Variants in KCNJ10 observed in about 807,000 individuals in gnomAD.
The protein encoded by KCNJ10 is potassium inwardly rectifying channel subfamily J member 10.
A neutral mutation model predicts 22.2 loss-of-function variants in KCNJ10; 9 were observed. That is an observed-to-expected ratio of 0.40 (90% confidence interval 0.24 to 0.71). The LOEUF is 0.71. Among genes scored for constraint, KCNJ10 ranks in the 30% least tolerant of loss-of-function variants. The pLI is 0.35. For synonymous variants in KCNJ10, 184 were observed against 187.3 expected (o/e 0.98, Z 0.15); for missense variants, 337 against 482.7 (o/e 0.70, Z 2.83).
intron 1 of KCNJ10, among the ~76,000 whole-genome samples, chr1:160,061,424 G>T (rs1649189964): frequency 6.6e-6 from 1 of 152,110 alleles, no homozygotes; most frequent in African/African-American, 2.4e-5. Flanking sequence ...GCGAGGCCAG[G>T]TGGGGCTTTA....
At chr1:160,057,654 C>T (rs1649072554) in intron 1 of KCNJ10, among the ~76,000 whole-genome samples, 1 of 152,280 alleles carries the variant, frequency 6.6e-6, no homozygotes, top group Admixed American at 6.5e-5. Flanking sequence ...ATGGCCAGGG[C>T]CCTGGAGATA....
intron 1 of KCNJ10, among the ~76,000 whole-genome samples, chr1:160,057,760 C>T (rs559264628): frequency 1.3e-5 from 2 of 152,126 alleles, no homozygotes; most frequent in Non-Finnish European, 2.9e-5. Context: ...CCTTGGAGTC[C>T]CAGGGCCAAG....
chr1:160,069,216 C>T (rs1649394714), intron 1 of KCNJ10, among the ~76,000 whole-genome samples: 1 of 152,236 alleles, frequency 6.6e-6, no homozygotes, highest in Non-Finnish European at 1.5e-5. Context: ...GTTCAGCTCT[C>T]CTCCCCCAAA....
intron 1 of KCNJ10, among the ~76,000 whole-genome samples, chr1:160,052,279 T>C (rs1255954507): frequency 3.3e-5 from 5 of 152,212 alleles, no homozygotes; most frequent in African/African-American, 1.2e-4. Flanking sequence ...AACCAATCAC[T>C]GTTTGGTAAA....
chr1:160,062,236 G>A (rs904338963), intron 1 of KCNJ10, among the ~76,000 whole-genome samples: 5 of 152,108 alleles, frequency 3.3e-5, no homozygotes, highest in African/African-American at 9.7e-5. Context: ...CGTGCTCTCT[G>A]GGCCCTCCGG....
rs75467436 is a variant in KCNJ10, at chr1:160,056,244, T to A, written c.1-13712A>T. ...GTCCTCGGCTGCCTCAGTGCACACA[T>A]TCTGACCCCATCACTTGGCTTTAAA... On this transcript the variant is annotated intron_variant, in intron 1 of 1. Coordinates refer to ENST00000644903, the MANE Select transcript of KCNJ10 (RefSeq NM_002241.5). Among the ~76,000 whole-genome samples the A allele has an allele frequency of 5.9e-5, 9 of 152,292 alleles. No homozygotes were observed. The East Asian group carries it at 1.5e-3, about 26-fold the overall frequency.
At chr1:160,066,178 G>A (rs1557975349) in intron 1 of KCNJ10, among the ~76,000 whole-genome samples, 1 of 152,102 alleles carries the variant, frequency 6.6e-6, no homozygotes, top group Non-Finnish European at 1.5e-5. Flanking sequence ...TTTGGTGAAA[G>A]CTCAACCACT....
intron 1 of KCNJ10, among the ~76,000 whole-genome samples, chr1:160,046,259 A>G (rs1648739174): frequency 6.6e-6 from 1 of 152,224 alleles, no homozygotes; most frequent in Non-Finnish European, 1.5e-5. Flanking sequence ...CTCACTTTAA[A>G]ATTTATAAAA....
chr1:160,059,173 C>CACTGCAAGTTG (rs1273309523), intron 1 of KCNJ10, among the ~76,000 whole-genome samples: 1 of 152,226 alleles, frequency 6.6e-6, no homozygotes, highest in East Asian at 1.9e-4. Context: ...GTAAGGGGTG[C>CACTGCAAGTTG]ACTGCAAGTT....
chr1:160,047,920 T>C (rs1648785304), intron 1 of KCNJ10, among the ~76,000 whole-genome samples: 1 of 152,204 alleles, frequency 6.6e-6, no homozygotes, highest in Non-Finnish European at 1.5e-5. Flanking sequence ...TTTGTACTTT[T>C]AGTAGAGACG....
rs56656397 is a variant in KCNJ10, at chr1:160,039,373, G to GACACACACACACACACACACAC, written c.*1998_*2019dup. On this transcript the variant is annotated 3_prime_UTR_variant, in exon 2 of 2. Transcript: ENST00000644903. ...ACTTGGCAATGGATAGGAAGGTATA[G>GACACACACACACACACACACAC]ACACACACACACACACACACACACA... The GACACACACACACACACACACAC allele has an allele frequency of 7.4e-6, 1 of 134,952 alleles. No homozygotes were observed. The highest frequency in any genetic ancestry group is 1.6e-5 in the Non-Finnish European group (1 of 63,960). The allele number at this position is 134,952 out of a possible 1,614,324, so 8.4% of individuals were successfully genotyped here. A position where few individuals can be genotyped will look rare whatever the true frequency, so the allele number is the denominator to read the frequency against.
chr1:160,056,368 G>T (rs1179490386), intron 1 of KCNJ10, among the ~76,000 whole-genome samples: 2 of 152,116 alleles, frequency 1.3e-5, no homozygotes, highest in Admixed American at 1.3e-4. Context: ...GCCTCCCCTG[G>T]AATATTTTCC....
intron 1 of KCNJ10, among the ~76,000 whole-genome samples, chr1:160,049,031 C>A (rs947025244): frequency 1.3e-5 from 2 of 152,156 alleles, no homozygotes; most frequent in Non-Finnish European, 2.9e-5. Context: ...ATTCTCATGG[C>A]ATTCCTATGA....
chr1:160,040,401 C>T lies in KCNJ10; in HGVS notation c.*992G>A, dbSNP rs1648574807. On this transcript the variant is annotated 3_prime_UTR_variant, in exon 2 of 2. Transcript: ENST00000644903. ...AGGAAGGCCCTTGCATTTTCCCTCC[C>T]TTCTCCCAAAGAGTTGGGGTTAAGG... 1.0e-5 allele frequency: 4 copies of T among 396,826 alleles called. No homozygotes were observed. In the East Asian group the frequency reaches 1.4e-4, roughly 14 times the overall value. 24.6% of individuals were successfully genotyped at this position (396,826 alleles called of 1,614,324 possible). A position where few individuals can be genotyped will look rare whatever the true frequency, so the allele number is the denominator to read the frequency against.
In KCNJ10 at chr1:160,041,524, C is replaced by G; in HGVS notation, c.1009G>C (p.Ala337Pro). The G allele has an allele frequency of 6.2e-7, 1 of 1,614,188 alleles. No individual in the cohort carries two copies. Among genetic ancestry groups the G allele is most frequent in the South Asian group, 1.1e-5 (1 of 91,084 alleles). Residue 337 changes from alanine (A) to proline (P), a missense_variant, in exon 2 of 2, where the codon GCC becomes CCC. Around this residue, in one of 3 missense-constraint regions of KCNJ10, gnomAD observed 65 missense variants for 66.0 expected, o/e 0.98. Transcript: ENST00000644903. This position sits in a 1 kb window ranked among gnomAD's most constrained non-coding sequence, Gnocchi z 4.4. ...CTGTCACGGAGGCCACTAGGAGAGG[C>G]CACTTTCACAACTTGGTCAAAAAGG... ...FSLFDQVVKVASPSGLRDSTV... is the reference protein window; with the variant it reads ...FSLFDQVVKVPSPSGLRDSTV...
intron 1 of KCNJ10, among the ~76,000 whole-genome samples, chr1:160,049,480 G>C (rs1180367121): frequency 6.6e-6 from 1 of 151,360 alleles, no homozygotes; most frequent in African/African-American, 2.4e-5. Context: ...TCAGAGTCCA[G>C]TTCAAATAAC....
chr1:160,059,714 C>G (rs961461559), intron 1 of KCNJ10, among the ~76,000 whole-genome samples: 8 of 152,190 alleles, frequency 5.3e-5, no homozygotes, highest in African/African-American at 1.9e-4. Context: ...TGGAAATGAT[C>G]AAGGGATTCC....
intron 1 of KCNJ10, among the ~76,000 whole-genome samples, chr1:160,057,620 C>T (rs1320734650): frequency 1.3e-5 from 2 of 152,218 alleles, no homozygotes; most frequent in Non-Finnish European, 2.9e-5. Context: ...TATCAGGCAG[C>T]TGGCAGCCTT....
intron 1 of KCNJ10, among the ~76,000 whole-genome samples, chr1:160,053,292 G>A (rs1439267315): frequency 6.6e-6 from 1 of 152,144 alleles, no homozygotes; most frequent in South Asian, 2.1e-4. Flanking sequence ...AACTTGAATA[G>A]CGACCTTAGA....
Sources: gnomAD v4.1 joint callset for allele counts (sites outside exome capture counted in the v4.1 genomes callset) on GRCh38, gnomAD v4.1.1 for gene constraint, gnomAD v4.1.1 regional missense constraint, Gnocchi (gnomAD v3.1) non-coding constraint, MANE v1.5 for transcripts, NCBI Gene and HGNC (gene_info 2026-07-23, HGNC 2026-07-21) for gene names.